Variants in BBS4 observed in about 807,000 individuals in gnomAD.
BBS4 encodes the protein BBSome complex member BBS4.
In BBS4, 58 loss-of-function variants were observed where a neutral mutation model predicts 71.4. That is an observed-to-expected ratio of 0.81 (90% CI 0.66 to 1.01). The LOEUF (loss-of-function observed/expected upper bound fraction) is 1.01. BBS4 is among the 50% of genes least tolerant of loss of function. The pLI is 0.00. For synonymous variants in BBS4, 228 were observed against 216.8 expected (o/e 1.05, Z -0.46); for missense variants, 660 against 607.9 (o/e 1.09, Z -0.90).
chr15:72,688,046 C>CAAAAAAAAAAAAAAA (rs199931617), intron 1 of BBS4, among the ~76,000 whole-genome samples: 1 of 84,890 alleles, frequency 1.2e-5, no homozygotes, highest in Admixed American at 1.3e-4. Context: ...GACTCCGTCT[C>CAAAAAAAAAAAAAAA]AAAAAAAAAA....
intron 1 of BBS4, among the ~76,000 whole-genome samples, chr15:72,688,536 C>A (rs2064921563): frequency 6.7e-6 from 1 of 148,790 alleles, no homozygotes; most frequent in South Asian, 2.2e-4. Flanking sequence ...GCCTCAGCCT[C>A]CCGAGTAGCT....
chr15:72,715,552 G>A (rs730180), intron 5 of BBS4, 150 bp downstream of exon 5: 500,949 of 678,762 alleles, frequency 0.74, 187,728 homozygotes, highest in Non-Finnish European at 0.78. Flanking sequence ...ACTCTGAAGA[G>A]CATGGATTAA....
At chr15:72,718,515 C>T (rs547500207) in intron 6 of BBS4, among the ~76,000 whole-genome samples, 21 of 152,258 alleles carry the variant, frequency 1.4e-4, no homozygotes, top group Middle Eastern at 3.4e-3. Flanking sequence ...GCAGTTCTTA[C>T]GGGGCACTAT....
rs1309913978 is a variant in BBS4 at position 72,738,035 on chromosome 15, G to A, written c.*448G>A. ...GATCCTCAGGTTGTGAGGTTTATTA[G>A]TCCCCAAGGCAAACACAAATATTAG... On this transcript the variant is annotated 3_prime_UTR_variant, in exon 16 of 16. Coordinates refer to ENST00000268057, the MANE Select transcript of BBS4 (RefSeq NM_033028.5). 3 of 454,070 alleles carry A rather than the reference G, an allele frequency of 6.6e-6. No individual in the cohort carries two copies. Among genetic ancestry groups the A allele is most frequent in the Non-Finnish European group, 8.8e-6 (2 of 226,834 alleles). 28.1% of individuals were successfully genotyped at this position (454,070 alleles called of 1,614,324 possible). A position where few individuals can be genotyped will look rare whatever the true frequency, so the allele number is the denominator to read the frequency against.
chr15:72,698,144 A>G (rs2065109549), intron 2 of BBS4: 2 of 412,060 alleles, frequency 4.9e-6, no homozygotes, highest in Non-Finnish European at 1.0e-5. Context: ...AGTTTTGTCC[A>G]CAACCTGAGA....
chr15:72,692,871 T>C (rs2065012043), intron 1 of BBS4, among the ~76,000 whole-genome samples: 1 of 152,158 alleles, frequency 6.6e-6, no homozygotes, highest in Admixed American at 6.5e-5. Context: ...GTGCTGGGAT[T>C]ATAGGTGTGA....
chr15:72,734,905 A>C (rs2065890361), intron 12 of BBS4, among the ~76,000 whole-genome samples: 2 of 152,206 alleles, frequency 1.3e-5, no homozygotes. Context: ...GCAGTGTCAG[A>C]AAAGAAACTG....
At chr15:72,735,571 T>A (rs969456901) in intron 13 of BBS4, 9 of 569,544 alleles carry the variant, frequency 1.6e-5, no homozygotes, top group Admixed American at 3.0e-5. Flanking sequence ...AGATCCCTTT[T>A]TCAACCCTGG....
chr15:72,736,092 C>G, intron 14 of BBS4, 126 bp downstream of exon 14: 2 of 1,070,954 alleles, frequency 1.9e-6, no homozygotes, highest in Admixed American at 2.2e-5. Context: ...ATGTTCCTAG[C>G]AGCATGAGTT....
chr15:72,712,397 A>T, intron 4 of BBS4, 90 bp downstream of exon 4: 1 of 1,247,966 alleles, frequency 8.0e-7, no homozygotes, highest in Non-Finnish European at 1.2e-6. Flanking sequence ...AACAAGTTCA[A>T]GTACAGTCAT....
intron 6 of BBS4, among the ~76,000 whole-genome samples, chr15:72,720,732 A>T (rs990605232): frequency 1.3e-5 from 2 of 152,154 alleles, no homozygotes; most frequent in African/African-American, 2.4e-5. Context: ...CAGACCTGTG[A>T]TCTAGGATGA....
At chr15:72,687,873 A>C (rs1343072491) in intron 1 of BBS4, among the ~76,000 whole-genome samples, 1 of 151,896 alleles carries the variant, frequency 6.6e-6, no homozygotes, top group Non-Finnish European at 1.5e-5. Context: ...CAGAGGTTGC[A>C]GTGAGCCGAG....
chr15:72,736,718 G>T, intron 14 of BBS4, 44 bp from the exon 15 acceptor site: 1 of 1,603,282 alleles, frequency 6.2e-7, no homozygotes, highest in South Asian at 1.1e-5. Flanking sequence ...GCTTGTCTCT[G>T]ACAGTCACGC....
intron 12 of BBS4, among the ~76,000 whole-genome samples, chr15:72,733,969 T>C (rs1294309279): frequency 1.3e-5 from 2 of 152,240 alleles, no homozygotes; most frequent in Non-Finnish European, 2.9e-5. Flanking sequence ...CCATTTTGAC[T>C]GGTGTGAGAT....
intron 1 of BBS4, among the ~76,000 whole-genome samples, chr15:72,690,000 CGG>C (rs996917215): frequency 2.0e-5 from 3 of 151,862 alleles, no homozygotes; most frequent in Non-Finnish European, 4.4e-5. Context: ...TTAGTAGAGA[CGG>C]GGTTTCACCG....
At chr15:72,688,761 A>G (rs1367573487) in intron 1 of BBS4, among the ~76,000 whole-genome samples, 1 of 152,252 alleles carries the variant, frequency 6.6e-6, no homozygotes, top group East Asian at 1.9e-4. Flanking sequence ...TGTGTCCCAC[A>G]GAAAAAAGTG....
chr15:72,710,332 A>G (rs2065345575), intron 3 of BBS4, among the ~76,000 whole-genome samples: 1 of 149,826 alleles, frequency 6.7e-6, no homozygotes, highest in South Asian at 2.1e-4. Context: ...TCCCCAGTAG[A>G]TGGGACTACA....
At chr15:72,727,010 C>T (rs2065715287) in intron 8 of BBS4, among the ~76,000 whole-genome samples, 3 of 152,146 alleles carry the variant, frequency 2.0e-5, no homozygotes, top group South Asian at 2.1e-4. Context: ...GCCAATATTG[C>T]TAGAATTACA....
At chr15:72,686,280 C>T (rs927337209) in intron 1 of BBS4, 29 bp downstream of exon 1, 7 of 1,559,944 alleles carry the variant, frequency 4.5e-6, no homozygotes, top group Middle Eastern at 1.8e-4. Context: ...TTTAGTTGCC[C>T]GGCCGCAGGG....
Sources: gnomAD v4.1 joint callset for allele counts (sites outside exome capture counted in the v4.1 genomes callset) on GRCh38, gnomAD v4.1.1 for gene constraint, MANE v1.5 for transcripts, NCBI Gene and HGNC (gene_info 2026-07-23, HGNC 2026-07-21) for gene names.